The following DMD variants were observed in gnomAD, a reference collection of about 807,000 sequenced individuals.
The protein encoded by DMD is mutant dystrophin.
In DMD, 63 loss-of-function variants were observed where a neutral mutation model predicts 330.1. The observed-to-expected ratio is 0.19, with a 90% confidence interval of 0.16 to 0.24. DMD has a LOEUF of 0.24. DMD is among the 10% of genes least tolerant of loss of function. The pLI is 1.00. For synonymous variants in DMD, 1,223 were observed against 959.8 expected, an observed-to-expected ratio of 1.27 and a Z score of -5.07; for missense variants, 3,344 against 2,684.1, an observed-to-expected ratio of 1.25 and a Z score of -5.43.
chrX:32,029,555 C>T (rs992753842), intron 44 of DMD, among the ~76,000 whole-genome samples: 3 of 111,268 alleles, frequency 2.7e-5, no homozygotes, highest in East Asian at 2.8e-4. Context: ...CAGCACAACA[C>T]GTAATAAATG....
chrX:32,705,640 G>C (rs921310961), intron 7 of DMD, among the ~76,000 whole-genome samples: 1 of 111,510 alleles, frequency 9.0e-6, no homozygotes, highest in Admixed American at 9.5e-5. Flanking sequence ...ACGGTGAAAA[G>C]CCGTCTCAAC....
intron 44 of DMD, among the ~76,000 whole-genome samples, chrX:32,161,352 C>T (rs983681517): frequency 2.7e-5 from 3 of 111,355 alleles, no homozygotes; most frequent in Non-Finnish European, 5.7e-5. Context: ...TTGGCAGGTG[C>T]CCTGGACATC....
chrX:31,160,699 T>C (rs1445901639), intron 74 of DMD, among the ~76,000 whole-genome samples: 1 of 111,695 alleles, frequency 9.0e-6, no homozygotes, highest in Non-Finnish European at 1.9e-5. Flanking sequence ...CTTTCAAAGT[T>C]TTACTGTCCT....
At chrX:32,136,709 T>A in intron 44 of DMD, among the ~76,000 whole-genome samples, 1 of 112,420 alleles carries the variant, frequency 8.9e-6, no homozygotes, top group South Asian at 3.7e-4. Flanking sequence ...TGAAAATTAA[T>A]CATCTCATGG....
intron 54 of DMD, among the ~76,000 whole-genome samples, chrX:31,649,813 A>G (rs1482173135): frequency 1.8e-5 from 2 of 111,291 alleles, no homozygotes; most frequent in East Asian, 5.7e-4. Flanking sequence ...AGGAGTTGAT[A>G]ATGGATTGAA....
In DMD at chrX:32,797,256, G is replaced by A. The variant is rs188363257; in HGVS notation, c.649+12237C>T. On this transcript the variant is annotated intron_variant, in intron 7 of 78. Coordinates refer to ENST00000357033, the MANE Select transcript of DMD (RefSeq NM_004006.3). ...TCCTGCCTTGGCCTCCCAATGTGCT[G>A]GGATTACAGGTGTCAGCCATCACAC... 6.6e-4 allele frequency among the ~76,000 whole-genome samples: 74 copies of A among 111,525 alleles called. No homozygotes were observed. In the East Asian group the frequency reaches 0.018, roughly 27 times the overall value.
chrX:32,132,680 G>A (rs2096702404), intron 44 of DMD, among the ~76,000 whole-genome samples: 2 of 110,715 alleles, frequency 1.8e-5, no homozygotes, highest in African/African-American at 6.6e-5. Flanking sequence ...ATAATACGTG[G>A]ACCTGCGCTG....
chrX:31,207,758 C>T (rs905925117), intron 65 of DMD, among the ~76,000 whole-genome samples: 1 of 111,534 alleles, frequency 9.0e-6, no homozygotes, highest in Non-Finnish European at 1.9e-5. Flanking sequence ...GAAAAGACAA[C>T]TGTTGGGTAC....
chrX:33,185,752 T>A (rs1039373455), intron 1 of DMD, among the ~76,000 whole-genome samples: 2 of 111,945 alleles, frequency 1.8e-5, no homozygotes, highest in African/African-American at 6.5e-5. Context: ...CTTCTGTTAA[T>A]GTTACCATCA....
chrX:31,199,149 C>T (rs2043195396), intron 67 of DMD, among the ~76,000 whole-genome samples: 1 of 112,205 alleles, frequency 8.9e-6, no homozygotes. Context: ...ATGTGACTCA[C>T]TGCCAGGGCA....
At chrX:32,757,756 C>T (rs1033408264) in intron 7 of DMD, among the ~76,000 whole-genome samples, 7 of 111,984 alleles carry the variant, frequency 6.3e-5, no homozygotes, top group Admixed American at 3.8e-4. Context: ...TTATAAATTA[C>T]CTAGTCTTTG....
chrX:32,542,020 T>A (rs1258967627), intron 17 of DMD, among the ~76,000 whole-genome samples: 1 of 111,571 alleles, frequency 9.0e-6, no homozygotes, highest in African/African-American at 3.3e-5. Flanking sequence ...CAAGCGGAAA[T>A]AGCTTTAGAG....
At chrX:31,214,312 C>A (rs890540774) in intron 64 of DMD, among the ~76,000 whole-genome samples, 1 of 112,045 alleles carries the variant, frequency 8.9e-6, no homozygotes, top group Non-Finnish European at 1.9e-5. Flanking sequence ...GTTTCAAAGG[C>A]TGGTAATATT....
At chrX:31,833,317 G>T (rs1272369105) in intron 49 of DMD, among the ~76,000 whole-genome samples, 2 of 58,313 alleles carry the variant, frequency 3.4e-5, no homozygotes, top group East Asian at 6.5e-4. Flanking sequence ...AGGGAGAGAG[G>T]GAGAGAGGGA....
chrX:31,996,183 G>A (rs2095584707), intron 44 of DMD, among the ~76,000 whole-genome samples: 1 of 111,980 alleles, frequency 8.9e-6, no homozygotes, highest in Non-Finnish European at 1.9e-5. Context: ...TCTGCCAATA[G>A]TATTAGTGCT....
chrX:31,574,142 T>TG (rs1304545219), intron 55 of DMD, among the ~76,000 whole-genome samples: 1 of 96,252 alleles, frequency 1.0e-5, no homozygotes, highest in Non-Finnish European at 2.1e-5. Flanking sequence ...TTGTTTTTTT[T>TG]TTTGTTTTTT....
At chrX:33,257,282 G>T (rs1239007771) in intron 1 of DMD, among the ~76,000 whole-genome samples, 2 of 111,125 alleles carry the variant, frequency 1.8e-5, no homozygotes, top group African/African-American at 6.5e-5. Flanking sequence ...AGACCATTCT[G>T]TATGTAGAGA....
At chrX:32,665,210 T>C (rs763852976) in intron 9 of DMD, among the ~76,000 whole-genome samples, 3 of 111,905 alleles carry the variant, frequency 2.7e-5, no homozygotes, top group Admixed American at 9.5e-5. Context: ...CATTTGGCAA[T>C]TGAGTGTTAC....
chrX:32,517,993 T>A lies in DMD; in HGVS notation c.2292+15A>T. 1 of 1,209,814 alleles carries A rather than the reference T, an allele frequency of 8.3e-7. No individual in the cohort carries two copies. The highest frequency in any genetic ancestry group is 1.1e-6 in the Non-Finnish European group (1 of 893,840). ...ACAAAATGAGTACAGATATAAAAAT[T>A]AATGCATAACCTACATTGACTTTTT... On this transcript the variant is annotated intron_variant, in intron 18 of 78. Coordinates refer to ENST00000357033, the MANE Select transcript of DMD (RefSeq NM_004006.3).
Sources: gnomAD v4.1 joint callset for allele counts (sites outside exome capture counted in the v4.1 genomes callset) on GRCh38, gnomAD v4.1.1 for gene constraint, MANE v1.5 for transcripts, NCBI Gene and HGNC (gene_info 2026-07-23, HGNC 2026-07-21) for gene names.